Variants in TMEM163 observed in about 807,000 individuals in gnomAD.
The protein encoded by TMEM163 is transmembrane protein 163.
In TMEM163, 17 loss-of-function variants were observed where a neutral mutation model predicts 29.3. The observed-to-expected ratio is 0.58, with a 90% CI of 0.40 to 0.87. The LOEUF is 0.87. Ranked by LOEUF, TMEM163 falls within the 40% of genes least tolerant of loss-of-function variation. The pLI is 0.00. For missense variants in TMEM163, 303 were observed against 381.5 expected, an observed-to-expected ratio of 0.79 and a Z score of 1.71; for synonymous variants, 157 against 160.6, an observed-to-expected ratio of 0.98 and a Z score of 0.17.
chr2:134,683,949 T>C (rs1684302250), intron 2 of TMEM163, among the ~76,000 whole-genome samples: 1 of 152,198 alleles, frequency 6.6e-6, no homozygotes, highest in Admixed American at 6.5e-5. Context: ...GGGTACAGTT[T>C]AACTTCTGGT....
Position 134,456,068 on chromosome 2 carries a change from G to A in TMEM163, c.*648C>T, listed in dbSNP as rs563280683. 2.7e-4 allele frequency: 42 copies of A among 152,764 alleles called. No homozygotes were observed. The highest frequency in any genetic ancestry group is 9.1e-4 in the African/African-American group (38 of 41,546). The allele number at this position is 152,764 out of a possible 1,614,324, so 9.5% of individuals were successfully genotyped here. A position where few individuals can be genotyped will look rare whatever the true frequency, so the allele number is the denominator to read the frequency against. Reference sequence around the variant, plus strand: ...GACCCAGTTTTCACATGGATGTTCAGGTTCTGAATGTACAAGAAAAGGTCA... The same window carrying A: ...GACCCAGTTTTCACATGGATGTTCAAGTTCTGAATGTACAAGAAAAGGTCA... On this transcript the variant is annotated 3_prime_UTR_variant, in exon 8 of 8. Coordinates refer to ENST00000281924, the MANE Select transcript of TMEM163 (RefSeq NM_030923.5).
chr2:134,525,217 A>G (rs954535237), intron 4 of TMEM163, among the ~76,000 whole-genome samples: 2 of 152,194 alleles, frequency 1.3e-5, no homozygotes, highest in East Asian at 1.9e-4. Flanking sequence ...CAGACTTGCA[A>G]CATCTGCATC....
At chr2:134,517,940 T>C (rs1163109311) in intron 4 of TMEM163, among the ~76,000 whole-genome samples, 9 of 139,460 alleles carry the variant, frequency 6.5e-5, no homozygotes, top group African/African-American at 2.3e-4. Flanking sequence ...CACTACAGAG[T>C]TGTCAGATGG....
chr2:134,488,622 G>A (rs1679365273), intron 5 of TMEM163, among the ~76,000 whole-genome samples: 1 of 152,076 alleles, frequency 6.6e-6, no homozygotes, highest in East Asian at 1.9e-4. Flanking sequence ...CCTATTGTGG[G>A]ACTTTAGCAT....
chr2:134,606,911 GACAGACCCCGAGA>G (rs1395963511), intron 2 of TMEM163, among the ~76,000 whole-genome samples: 1 of 148,058 alleles, frequency 6.8e-6, no homozygotes, highest in Non-Finnish European at 1.5e-5. Context: ...CAGCAATGAG[GACAGACCCCGAGA>G]ACTGTGCTGG....
intron 2 of TMEM163, among the ~76,000 whole-genome samples, chr2:134,649,320 A>G (rs1568120): frequency 0.5 from 75,818 of 152,074 alleles, 19,666 homozygotes; most frequent in Non-Finnish European, 0.56. Context: ...TTGAGGAATC[A>G]TCATGCTCCC....
intron 2 of TMEM163, among the ~76,000 whole-genome samples, chr2:134,676,165 G>T (rs1684110416): frequency 6.6e-6 from 1 of 152,122 alleles, no homozygotes; most frequent in Admixed American, 6.6e-5. Context: ...AATTTCTATG[G>T]TGTAAATACA....
At chr2:134,466,894 G>C (rs914586930) in intron 5 of TMEM163, 4 of 152,104 alleles carry the variant, frequency 2.6e-5, no homozygotes, top group African/African-American at 9.7e-5. Context: ...CCTGACATTG[G>C]GGCCCATCCA....
chr2:134,557,532 C>T (rs148675843), intron 2 of TMEM163, among the ~76,000 whole-genome samples: 57 of 152,238 alleles, frequency 3.7e-4, no homozygotes, highest in Middle Eastern at 3.4e-3. Flanking sequence ...GATATATATT[C>T]GTTCTGTTCG....
At chr2:134,700,142 G>T (rs535918990) in intron 2 of TMEM163, among the ~76,000 whole-genome samples, 89 of 151,562 alleles carry the variant, frequency 5.9e-4, no homozygotes, top group African/African-American at 2.1e-3. Flanking sequence ...ATTTTATTTT[G>T]CACTTTCTAT....
intron 4 of TMEM163, among the ~76,000 whole-genome samples, chr2:134,525,239 T>C (rs1164442463): frequency 6.6e-6 from 1 of 152,190 alleles, no homozygotes; most frequent in Non-Finnish European, 1.5e-5. Flanking sequence ...CCTGGGAGCT[T>C]GTTAGCAATG....
At chr2:134,707,722 G>T (rs1367747264) in intron 2 of TMEM163, among the ~76,000 whole-genome samples, 1 of 151,992 alleles carries the variant, frequency 6.6e-6, no homozygotes, top group Non-Finnish European at 1.5e-5. Context: ...AAACTGCTCT[G>T]GGGGAATGGG....
chr2:134,564,613 C>T (rs1406551336), intron 2 of TMEM163, among the ~76,000 whole-genome samples: 1 of 152,072 alleles, frequency 6.6e-6, no homozygotes, highest in Non-Finnish European at 1.5e-5. Flanking sequence ...AACATAACTA[C>T]CAGGGGACTT....
intron 2 of TMEM163, among the ~76,000 whole-genome samples, chr2:134,603,793 T>C (rs1051312592): frequency 6.9e-6 from 1 of 144,842 alleles, no homozygotes; most frequent in African/African-American, 2.6e-5. Context: ...CTGGCACTGT[T>C]TTGCCCACAT....
In TMEM163 at chr2:134,458,183, A is replaced by C; in HGVS notation, c.668-10T>G. 1 of 1,614,084 alleles carries C rather than the reference A, an allele frequency of 6.2e-7. No homozygotes were observed. The highest frequency in any genetic ancestry group is 8.5e-7 in the Non-Finnish European group (1 of 1,179,968). The stretch of plus-strand genomic sequence containing the variant: ...ACGAGGGAGTTAAACCCTGCAAAGG[A>C]AGTGGAGAGAGGCTAGATGGCAGTG... On this transcript the variant is annotated splice_polypyrimidine_tract_variant and intron_variant, in intron 6 of 7. Coordinates refer to ENST00000281924, the MANE Select transcript of TMEM163 (RefSeq NM_030923.5).
intron 5 of TMEM163, among the ~76,000 whole-genome samples, chr2:134,489,971 C>T (rs1205480799): frequency 6.6e-6 from 1 of 152,228 alleles, no homozygotes; most frequent in Non-Finnish European, 1.5e-5. Flanking sequence ...CCTGCTACAG[C>T]TAATGGCCAC....
chr2:134,590,099 C>T (rs1287162365), intron 2 of TMEM163, among the ~76,000 whole-genome samples: 1 of 149,540 alleles, frequency 6.7e-6, no homozygotes, highest in Non-Finnish European at 1.5e-5. Context: ...CTCCCACCCT[C>T]CAGGCCCAAG....
At chr2:134,601,656 C>T (rs573002464) in intron 2 of TMEM163, among the ~76,000 whole-genome samples, 1 of 152,222 alleles carries the variant, frequency 6.6e-6, no homozygotes, top group Non-Finnish European at 1.5e-5. Context: ...TTATGGAGTG[C>T]TTGCTGTATG....
chr2:134,614,361 AG>A (rs1346409938), intron 2 of TMEM163, among the ~76,000 whole-genome samples: 1 of 151,854 alleles, frequency 6.6e-6, no homozygotes, highest in Non-Finnish European at 1.5e-5. Flanking sequence ...AAAACTATAA[AG>A]GTTTTTCTAA....
Sources: gnomAD v4.1 joint callset for allele counts (sites outside exome capture counted in the v4.1 genomes callset) on GRCh38, gnomAD v4.1.1 for gene constraint, MANE v1.5 for transcripts, NCBI Gene and HGNC (gene_info 2026-07-23, HGNC 2026-07-21) for gene names.